TMEM63C: variants seen among roughly 807,000 people sequenced by gnomAD.
TMEM63C encodes the protein transmembrane protein 63C.
A neutral mutation model predicts 99.2 loss-of-function variants in TMEM63C; 32 were observed. That is an observed-to-expected ratio of 0.32 (90% confidence interval 0.24 to 0.43). TMEM63C has a LOEUF of 0.43. TMEM63C is among the 20% of genes least tolerant of loss of function. TMEM63C has a pLI of 1.00. For synonymous variants in TMEM63C, 376 were observed against 397.9 expected (o/e 0.94, Z 0.66); for missense variants, 826 against 1,053.0 (o/e 0.78, Z 2.98).
chr14:77,203,380 T>C (rs1415266809), intron 1 of TMEM63C, among the ~76,000 whole-genome samples: 1 of 68,730 alleles, frequency 1.5e-5, no homozygotes, highest in Non-Finnish European at 3.3e-5. Flanking sequence ...AAACTCCATC[T>C]TGAAAAAAAA....
chr14:77,257,878 A>T lies in TMEM63C; in HGVS notation c.*1152A>T, dbSNP rs532705611. 2.6e-5 allele frequency: 4 copies of T among 152,314 alleles called. No homozygotes were observed. In the South Asian group the frequency reaches 8.3e-4, roughly 32 times the overall value. 9.4% of individuals were successfully genotyped at this position (152,314 alleles called of 1,614,324 possible). On this transcript the variant is annotated 3_prime_UTR_variant, in exon 24 of 24. Coordinates refer to ENST00000298351, the MANE Select transcript of TMEM63C (RefSeq NM_020431.4). ...TGGTCCAGACATTGCAGATGCTTCA[A>T]CCGTGATGTCGCCCCAGGCCTGCCA...
At chr14:77,241,283 G>A (rs77101169) in intron 13 of TMEM63C, among the ~76,000 whole-genome samples, 5,278 of 152,130 alleles carry the variant, frequency 0.035, 277 homozygotes, top group African/African-American at 0.12. Context: ...CACCATAAGA[G>A]AGCGTCAGGA....
At chr14:77,213,038 A>G (rs911060052) in intron 1 of TMEM63C, among the ~76,000 whole-genome samples, 10 of 152,220 alleles carry the variant, frequency 6.6e-5, no homozygotes, top group African/African-American at 2.2e-4. Flanking sequence ...TTGTTGAATG[A>G]ATGAATGAAT....
At chr14:77,182,594 C>T (rs12323540) in intron 1 of TMEM63C, among the ~76,000 whole-genome samples, 263 of 152,266 alleles carry the variant, frequency 1.7e-3, no homozygotes, top group African/African-American at 6.1e-3. Context: ...ACCGAATGCC[C>T]TCTGGAGGGG....
Position 77,196,938 on chromosome 14 carries a change from C to G in TMEM63C, c.-77+15044C>G, listed in dbSNP as rs1050850275. 3.9e-5 allele frequency among the ~76,000 whole-genome samples: 6 copies of G among 152,186 alleles called. 1 individual carries two copies. The South Asian group carries it at 1.2e-3, about 32-fold the overall frequency. ...GCTCCTCTTCCTCTCCTTCCACCTT[C>G]CCAGTTACCTCCAGCAACTCCTCCC... On this transcript the variant is annotated intron_variant, in intron 1 of 23. Coordinates refer to ENST00000298351, the MANE Select transcript of TMEM63C (RefSeq NM_020431.4).
At chr14:77,248,244 C>T (rs189182040) in intron 18 of TMEM63C, 103 bp from the exon 19 acceptor site, 293 of 1,015,332 alleles carry the variant, frequency 2.9e-4, no homozygotes, top group Admixed American at 7.3e-4. Context: ...ATCTCCACTC[C>T]GATTCCCATT....
At chr14:77,220,878 TCACGC>T (rs1888683281) in intron 5 of TMEM63C, among the ~76,000 whole-genome samples, 1 of 79,514 alleles carries the variant, frequency 1.3e-5, no homozygotes, top group South Asian at 4.0e-4. Context: ...CGCCTCCCAC[TCACGC>T]CCCGCCTCCC....
At chr14:77,238,939 C>T (rs992744830) in intron 10 of TMEM63C, among the ~76,000 whole-genome samples, 172 bp downstream of exon 10, 2 of 152,182 alleles carry the variant, frequency 1.3e-5, no homozygotes, top group Non-Finnish European at 2.9e-5. Flanking sequence ...GCCGCTGGAG[C>T]TGGAGCAGGG....
chr14:77,188,349 AG>A (rs1888038938), intron 1 of TMEM63C, among the ~76,000 whole-genome samples: 1 of 152,232 alleles, frequency 6.6e-6, no homozygotes, highest in Admixed American at 6.5e-5. Flanking sequence ...TGGGTAAACA[AG>A]GAAATGGCTT....
At chr14:77,231,150 G>A (rs1437003996) in intron 6 of TMEM63C, among the ~76,000 whole-genome samples, 1 of 152,170 alleles carries the variant, frequency 6.6e-6, no homozygotes. Flanking sequence ...GGCAAATCTG[G>A]CAGTGTGGAG....
rs569036314 is a variant in TMEM63C at position 77,233,159 on chromosome 14, G to A, written c.494-293G>A. On this transcript the variant is annotated intron_variant, in intron 7 of 23. Transcript: ENST00000298351. ...CATTCTGCTCGTGGCTGGATGGCTG[G>A]TGCCTCCAACAAGCATTCACTGGGT... Among the ~76,000 whole-genome samples the A allele has an allele frequency of 5.6e-4, 85 of 152,302 alleles. 1 individual carries two copies. The highest frequency in any genetic ancestry group is 1.0e-3 in the Non-Finnish European group (71 of 68,028).
chr14:77,210,532 A>G (rs1249551765), intron 1 of TMEM63C, among the ~76,000 whole-genome samples: 2 of 152,150 alleles, frequency 1.3e-5, no homozygotes, highest in Non-Finnish European at 2.9e-5. Flanking sequence ...AAGGACGTGA[A>G]CCAGAGCCCT....
chr14:77,200,091 C>T (rs147862770), intron 1 of TMEM63C, among the ~76,000 whole-genome samples: 2 of 152,342 alleles, frequency 1.3e-5, no homozygotes, highest in East Asian at 3.9e-4. Context: ...TGAAATACCT[C>T]TTGCTGCAGC....
rs1887981116 is a variant in TMEM63C, at chr14:77,185,545, C to A, written c.-77+3651C>A. Among the ~76,000 whole-genome samples, 6 of 152,294 alleles carry A rather than the reference C, an allele frequency of 3.9e-5. 1 individual carries two copies. In the South Asian group the frequency reaches 1.2e-3, roughly 32 times the overall value. On this transcript the variant is annotated intron_variant, in intron 1 of 23. Coordinates refer to ENST00000298351, the MANE Select transcript of TMEM63C (RefSeq NM_020431.4). ...GGAGAGATAGGTGGGCAAGATGGAG[C>A]TGTGGCCAGTCCGCTGGGATACAGC...
intron 5 of TMEM63C, among the ~76,000 whole-genome samples, chr14:77,224,008 C>T (rs385604): frequency 0.18 from 27,152 of 151,962 alleles, 2,661 homozygotes; most frequent in Non-Finnish European, 0.22. Context: ...ATGCTCCCCA[C>T]TGCTGCTGCC....
At chr14:77,242,524 G>A (rs1193644865) in intron 14 of TMEM63C, 55 bp downstream of exon 14, 2 of 1,598,496 alleles carry the variant, frequency 1.3e-6, no homozygotes, top group Non-Finnish European at 1.7e-6. Context: ...ACTGAAGAAG[G>A]CAGCAGGACA....
At chr14:77,199,749 C>A (rs1444220047) in intron 1 of TMEM63C, among the ~76,000 whole-genome samples, 1 of 152,180 alleles carries the variant, frequency 6.6e-6, no homozygotes, top group Non-Finnish European at 1.5e-5. Flanking sequence ...GTGCTCCGGG[C>A]AGGGCCTGGA....
At chr14:77,255,687 G>A (rs1263405310) in intron 23 of TMEM63C, among the ~76,000 whole-genome samples, 1 of 152,214 alleles carries the variant, frequency 6.6e-6, no homozygotes, top group East Asian at 1.9e-4. Context: ...GTAACATCCT[G>A]TTAATTCCCA....
At position 77,242,229 on chromosome 14, in the gene TMEM63C, G is replaced by T. The variant is rs991559751; in HGVS notation, c.1065-118G>T. ...AAGGCTTCAAGAATCCCCAGGAAGG[G>T]GATGAGCCCCCATCTGTAGGACCAC... On this transcript the variant is annotated intron_variant, in intron 13 of 23. Transcript: ENST00000298351. The T allele has an allele frequency of 4.4e-6, 5 of 1,148,158 alleles. No homozygotes were observed. The East Asian group carries it at 1.2e-4, about 27-fold the overall frequency. The allele number at this position is 1,148,158 out of a possible 1,614,324, so 71.1% of individuals were successfully genotyped here. A position where few individuals can be genotyped will look rare whatever the true frequency, so the allele number is the denominator to read the frequency against.
Sources: allele counts gnomAD v4.1 joint callset (sites outside exome capture counted in the v4.1 genomes callset), GRCh38; gene constraint gnomAD v4.1.1; transcripts MANE v1.5; gene names NCBI Gene and HGNC (gene_info 2026-07-23, HGNC 2026-07-21).